Variants in MACROD2 observed in about 807,000 individuals in gnomAD.
The protein encoded by MACROD2 is ADP-ribose glycohydrolase MACROD2.
MACROD2 carries 36 observed loss-of-function variants against 70.4 expected under a neutral mutation model. The observed-to-expected ratio is 0.51, with a 90% CI of 0.39 to 0.68. The LOEUF is 0.68. MACROD2 is among the 30% of genes least tolerant of loss of function. The probability of loss-of-function intolerance (pLI) is 0.00; values close to 1 mark genes in which losing one functional copy is unlikely to be tolerated. For missense variants in MACROD2, 496 were observed against 538.4 expected, an observed-to-expected ratio of 0.92 and a Z score of 0.78; for synonymous variants, 172 against 178.8, an observed-to-expected ratio of 0.96 and a Z score of 0.30.
chr20:15,526,535 A>T (rs905224411), intron 8 of MACROD2, among the ~76,000 whole-genome samples: 13 of 152,188 alleles, frequency 8.5e-5, no homozygotes, highest in African/African-American at 3.1e-4. Flanking sequence ...GAATCCTGGT[A>T]TGAGCCAAGT....
chr20:15,171,045 C>T (rs865839339), intron 5 of MACROD2, among the ~76,000 whole-genome samples: 7 of 152,064 alleles, frequency 4.6e-5, no homozygotes, highest in African/African-American at 7.2e-5. Context: ...AAAGTAGGAC[C>T]CTAAGACGAC....
chr20:14,467,660 A>G (rs2084473259), intron 3 of MACROD2, among the ~76,000 whole-genome samples: 1 of 151,976 alleles, frequency 6.6e-6, no homozygotes, highest in African/African-American at 2.4e-5. Context: ...CTATTCGGCT[A>G]TCTTGGCTCC....
At chr20:15,206,747 T>TTTTTTTTTTTTTTTTTTTTTTG (rs2076710188) in intron 5 of MACROD2, among the ~76,000 whole-genome samples, 1 of 114,920 alleles carries the variant, frequency 8.7e-6, no homozygotes, top group Non-Finnish European at 1.8e-5. Context: ...TTTTTTTTTT[T>TTTTTTTTTTTTTTTTTTTTTTG]GAGACGGAGT....
chr20:15,036,221 A>G (rs188142687), intron 5 of MACROD2, among the ~76,000 whole-genome samples: 117 of 152,256 alleles, frequency 7.7e-4, no homozygotes, highest in African/African-American at 2.6e-3. Flanking sequence ...AATGCAATCC[A>G]TCTTCCTGGA....
At chr20:15,846,762 A>G (rs889842820) in intron 8 of MACROD2, among the ~76,000 whole-genome samples, 1 of 152,210 alleles carries the variant, frequency 6.6e-6, no homozygotes, top group African/African-American at 2.4e-5. Context: ...TAACTGAGAT[A>G]GAAAACATAC....
At chr20:15,868,312 T>C (rs1200527057) in intron 9 of MACROD2, among the ~76,000 whole-genome samples, 2 of 152,160 alleles carry the variant, frequency 1.3e-5, no homozygotes, top group Non-Finnish European at 2.9e-5. Context: ...CTCTGTTCAC[T>C]CTGTACCCAC....
intron 2 of MACROD2, among the ~76,000 whole-genome samples, chr20:14,044,722 G>A (rs541233235): frequency 6.6e-6 from 1 of 152,300 alleles, no homozygotes; most frequent in East Asian, 1.9e-4. Flanking sequence ...TAGACATAAA[G>A]ATTCTTCAAG....
At chr20:15,206,212 T>TA (rs756472598) in intron 5 of MACROD2, among the ~76,000 whole-genome samples, 5 of 152,080 alleles carry the variant, frequency 3.3e-5, no homozygotes, top group East Asian at 1.9e-4. Context: ...TTTCCAAATA[T>TA]AAAAAAAATC....
In MACROD2 at chr20:15,341,616, C is replaced by A. The variant is rs115828409; in HGVS notation, c.541-89789C>A. 3.3e-3 allele frequency among the ~76,000 whole-genome samples: 507 copies of A among 152,288 alleles called. 3 individuals carry two copies. The highest frequency in any genetic ancestry group is 0.012 in the African/African-American group (490 of 41,562). ...AACAAATCTAGAGATGAATTGAAGACTTATTCACTTTACAAAAATATTTCT... is the reference window on the plus strand; with the variant it reads ...AACAAATCTAGAGATGAATTGAAGAATTATTCACTTTACAAAAATATTTCT... On this transcript the variant is annotated intron_variant, in intron 6 of 17. Transcript: ENST00000684519.
At chr20:14,291,349 A>G (rs1396543348) in intron 3 of MACROD2, among the ~76,000 whole-genome samples, 1 of 152,234 alleles carries the variant, frequency 6.6e-6, no homozygotes, top group East Asian at 1.9e-4. Flanking sequence ...TTTTAGAAAC[A>G]TTTTGAGCTT....
chr20:14,552,904 G>T (rs1978756840), intron 4 of MACROD2, among the ~76,000 whole-genome samples: 1 of 152,124 alleles, frequency 6.6e-6, no homozygotes, highest in Admixed American at 6.6e-5. Context: ...GAGTGAATGT[G>T]AAGGACTAGG....
chr20:14,252,745 C>T (rs932460491), intron 3 of MACROD2, among the ~76,000 whole-genome samples: 1 of 151,970 alleles, frequency 6.6e-6, no homozygotes, highest in Non-Finnish European at 1.5e-5. Context: ...CAAATTTCCT[C>T]TCACCCAGCA....
chr20:14,980,774 G>C (rs951147590), intron 5 of MACROD2, among the ~76,000 whole-genome samples: 1 of 152,096 alleles, frequency 6.6e-6, no homozygotes, highest in Non-Finnish European at 1.5e-5. Context: ...CACCTAGCTA[G>C]GAATCCAGGT....
chr20:14,521,065 AG>A (rs1195508769), intron 4 of MACROD2, among the ~76,000 whole-genome samples: 1 of 152,248 alleles, frequency 6.6e-6, no homozygotes, highest in Non-Finnish European at 1.5e-5. Context: ...TGCACTCCAA[AG>A]CACAGACTTA....
intron 5 of MACROD2, among the ~76,000 whole-genome samples, chr20:14,829,917 A>G (rs979134954): frequency 5.3e-5 from 8 of 152,156 alleles, no homozygotes; most frequent in Non-Finnish European, 1.0e-4. Flanking sequence ...TAGAAGTTCA[A>G]TGCATACATT....
At chr20:15,327,259 A>G (rs561902683) in intron 6 of MACROD2, among the ~76,000 whole-genome samples, 1 of 152,282 alleles carries the variant, frequency 6.6e-6, no homozygotes, top group Admixed American at 6.5e-5. Context: ...CTTCTGAGAT[A>G]AGAATATTCC....
intron 2 of MACROD2, among the ~76,000 whole-genome samples, chr20:14,019,090 G>A (rs1180987766): frequency 1.3e-5 from 2 of 152,132 alleles, no homozygotes; most frequent in Non-Finnish European, 2.9e-5. Flanking sequence ...GCTCTGCCCT[G>A]GGTTCAGTTA....
chr20:15,983,968 A>C (rs1320747893), intron 13 of MACROD2, among the ~76,000 whole-genome samples: 1 of 152,152 alleles, frequency 6.6e-6, no homozygotes, highest in African/African-American at 2.4e-5. Context: ...TATATTTAAT[A>C]ATGTTTCTTG....
intron 4 of MACROD2, among the ~76,000 whole-genome samples, chr20:14,560,210 T>A (rs1651450340): frequency 1.3e-5 from 2 of 151,680 alleles, no homozygotes; most frequent in Non-Finnish European, 2.9e-5. Context: ...AAAAGAATTT[T>A]AAATATGTTA....
Sources: gnomAD v4.1 joint callset for allele counts (sites outside exome capture counted in the v4.1 genomes callset) on GRCh38, gnomAD v4.1.1 for gene constraint, MANE v1.5 for transcripts, NCBI Gene and HGNC (gene_info 2026-07-23, HGNC 2026-07-21) for gene names.